Variants in MBD5 observed in about 807,000 individuals in gnomAD.
MBD5 encodes methyl-CpG binding domain protein 5.
Under a neutral mutation model 117.3 loss-of-function variants are expected in MBD5, and 13 were observed. The observed-to-expected ratio is 0.11, with a 90% CI of 0.07 to 0.18. MBD5 has a LOEUF of 0.18. Among genes scored for constraint, MBD5 ranks in the 10% least tolerant of loss-of-function variants. MBD5 has a pLI of 1.00. For synonymous variants in MBD5, 727 were observed against 766.4 expected (o/e 0.95, Z 0.85); for missense variants, 1,879 against 2,093.8 (o/e 0.90, Z 2.00).
intron 4 of MBD5, among the ~76,000 whole-genome samples, chr2:148,410,525 G>A (rs1705218471): frequency 6.6e-6 from 1 of 152,126 alleles, no homozygotes. Context: ...GACCACTCTG[G>A]CTCAAGCAAT....
intron 3 of MBD5, among the ~76,000 whole-genome samples, chr2:148,326,285 TG>T: frequency 6.6e-6 from 1 of 152,278 alleles, no homozygotes; most frequent in South Asian, 2.1e-4. Context: ...ATAGGTGTGG[TG>T]TGGTGCTGAA....
chr2:148,216,964 T>C (rs1433814763), intron 2 of MBD5, among the ~76,000 whole-genome samples: 1 of 152,158 alleles, frequency 6.6e-6, no homozygotes, highest in Non-Finnish European at 1.5e-5. Context: ...CTGACAAAAG[T>C]TGCTTTTTCC....
intron 3 of MBD5, among the ~76,000 whole-genome samples, chr2:148,275,498 G>A (rs1240081976): frequency 6.6e-6 from 1 of 152,148 alleles, no homozygotes; most frequent in African/African-American, 2.4e-5. Context: ...TCTGCAGGAG[G>A]GAATATTAAA....
chr2:148,455,709 G>A (rs1706859060), intron 4 of MBD5, among the ~76,000 whole-genome samples: 1 of 151,748 alleles, frequency 6.6e-6, no homozygotes, highest in African/African-American at 2.4e-5. Flanking sequence ...ACTTAATGGA[G>A]TGAGCCAGCC....
rs937132077 is a variant in MBD5 at position 148,286,160 on chromosome 2, G to A, written c.-680+52765G>A. Among the ~76,000 whole-genome samples, 17 of 152,172 alleles carry A rather than the reference G, an allele frequency of 1.1e-4. No homozygotes were observed. In the East Asian group the frequency reaches 1.2e-3, roughly 10 times the overall value. Reference sequence around the variant, plus strand: ...TGACTTAGTAGCTGGATTATTTGTCGTAAAGCTTTTTTTCCGTTTTAATAC... The same window carrying A: ...TGACTTAGTAGCTGGATTATTTGTCATAAAGCTTTTTTTCCGTTTTAATAC... On this transcript the variant is annotated intron_variant, in intron 3 of 13. Coordinates refer to ENST00000642680, the MANE Select transcript of MBD5 (RefSeq NM_001378120.1).
intron 4 of MBD5, among the ~76,000 whole-genome samples, chr2:148,452,250 C>A (rs1706750291): frequency 1.3e-5 from 2 of 152,152 alleles, no homozygotes; most frequent in South Asian, 4.1e-4. Flanking sequence ...AATCCTAGCA[C>A]TTTGGAAGGC....
At chr2:148,348,234 A>T (rs1006994398) in intron 4 of MBD5, among the ~76,000 whole-genome samples, 2 of 151,810 alleles carry the variant, frequency 1.3e-5, no homozygotes, top group African/African-American at 4.8e-5. Flanking sequence ...ACCTTTTTGC[A>T]CACAACTTTA....
At chr2:148,449,606 G>A (rs1408137016) in intron 4 of MBD5, among the ~76,000 whole-genome samples, 1 of 151,834 alleles carries the variant, frequency 6.6e-6, no homozygotes, top group Non-Finnish European at 1.5e-5. Flanking sequence ...AAGTGGGCAT[G>A]ACACCCAGAG....
At chr2:148,148,026 AT>A (rs1264590512) in intron 1 of MBD5, among the ~76,000 whole-genome samples, 1 of 151,894 alleles carries the variant, frequency 6.6e-6, no homozygotes, top group African/African-American at 2.4e-5. Flanking sequence ...TTTTTCTTTG[AT>A]TTTTTTGTAA....
At chr2:148,246,507 A>G (rs1025995723) in intron 3 of MBD5, among the ~76,000 whole-genome samples, 30 of 152,204 alleles carry the variant, frequency 2.0e-4, no homozygotes, top group African/African-American at 7.0e-4. Flanking sequence ...ACGGTGGCTC[A>G]TGCCTGTAAT....
rs780120870 is a variant in MBD5 at position 148,484,040 on chromosome 2, C to T, written c.3449C>T (p.Ser1150Phe). 3.2e-6 allele frequency: 5 copies of T among 1,550,360 alleles called. No homozygotes were observed. In the South Asian group the frequency reaches 6.0e-5, roughly 18 times the overall value. Reference sequence around the variant, plus strand: ...ATGGCAGAAACATTGCTGAATATATCTAATAATGCTGGGAATACACCTGGT... The same window carrying T: ...ATGGCAGAAACATTGCTGAATATATTTAATAATGCTGGGAATACACCTGGT... Reference protein sequence around the residue: ...VSMAETLLNISNNAGNTPGPA... With the variant: ...VSMAETLLNIFNNAGNTPGPA... Residue 1150 changes from serine to phenylalanine, a missense_variant, in exon 9 of 14, where the codon TCT becomes TTT. Transcript: ENST00000642680.
chr2:148,375,124 C>A (rs1703957795), intron 4 of MBD5, among the ~76,000 whole-genome samples: 1 of 152,104 alleles, frequency 6.6e-6, no homozygotes, highest in Admixed American at 6.5e-5. Context: ...CAGTAAGCAC[C>A]AGATTCAAAA....
intron 4 of MBD5, among the ~76,000 whole-genome samples, chr2:148,431,803 A>G (rs182490821): frequency 6.6e-6 from 1 of 152,240 alleles, no homozygotes; most frequent in Admixed American, 6.5e-5. Context: ...ATTTAGGTTG[A>G]TTCCATGTCT....
At chr2:148,028,485 A>G (rs1189412316) in intron 1 of MBD5, 1 of 152,106 alleles carries the variant, frequency 6.6e-6, no homozygotes, top group Non-Finnish European at 1.5e-5. Flanking sequence ...ACTTAGGGTT[A>G]TCCTTGTATT....
chr2:148,334,574 TC>T (rs1474464981), intron 3 of MBD5, among the ~76,000 whole-genome samples: 2 of 152,132 alleles, frequency 1.3e-5, no homozygotes, highest in African/African-American at 4.8e-5. Context: ...TCTCAAGTGA[TC>T]CCCTTGCCTT....
In MBD5 at chr2:148,050,977, G is replaced by A. The variant is rs538078630; in HGVS notation, c.-925+29293G>A. Reference sequence around the variant, plus strand: ...TGAAAAATAGACTGTTGAAATTTTAGTAGGAGATTGTATTGAGTCTGTGGA... The same window carrying A: ...TGAAAAATAGACTGTTGAAATTTTAATAGGAGATTGTATTGAGTCTGTGGA... On this transcript the variant is annotated intron_variant, in intron 1 of 13. Transcript: ENST00000642680. 3.3e-5 allele frequency among the ~76,000 whole-genome samples: 5 copies of A among 152,156 alleles called. No homozygotes were observed. In the South Asian group the frequency reaches 1.0e-3, roughly 32 times the overall value.
chr2:148,126,294 A>G (rs1247721532), intron 1 of MBD5, among the ~76,000 whole-genome samples: 1 of 151,476 alleles, frequency 6.6e-6, no homozygotes, highest in Non-Finnish European at 1.5e-5. Context: ...AGTCCCAGCT[A>G]CTTGGGGAGG....
At chr2:148,323,584 C>T (rs1366088170) in intron 3 of MBD5, among the ~76,000 whole-genome samples, 1 of 152,090 alleles carries the variant, frequency 6.6e-6, no homozygotes, top group African/African-American at 2.4e-5. Context: ...ATTTGCATTT[C>T]TCTGATGGCC....
chr2:148,148,689 C>A (rs2105611552), intron 1 of MBD5, among the ~76,000 whole-genome samples: 1 of 152,134 alleles, frequency 6.6e-6, no homozygotes. Context: ...TTCCCAATTT[C>A]TATGGGTTTT....
Sources: gnomAD v4.1 joint callset for allele counts (sites outside exome capture counted in the v4.1 genomes callset) on GRCh38, gnomAD v4.1.1 for gene constraint, MANE v1.5 for transcripts, NCBI Gene and HGNC (gene_info 2026-07-23, HGNC 2026-07-21) for gene names.